RIMS2: variants seen among roughly 807,000 people sequenced by gnomAD.
The protein encoded by RIMS2 is regulating synaptic membrane exocytosis 2, also known as regulating synaptic membrane exocytosis protein 2.
Under a neutral mutation model 174.4 loss-of-function variants are expected in RIMS2, and 59 were observed. The observed-to-expected ratio is 0.34, with a 90% confidence interval of 0.27 to 0.42. The LOEUF (loss-of-function observed/expected upper bound fraction) is 0.42. RIMS2 is among the 10% of genes least tolerant of loss of function. The probability of loss-of-function intolerance (pLI) is 1.00; values close to 1 mark genes in which losing one functional copy is unlikely to be tolerated. For missense variants in RIMS2, 1,620 were observed against 1,666.3 expected, an observed-to-expected ratio of 0.97 and a Z score of 0.48; for synonymous variants, 606 against 572.5, an observed-to-expected ratio of 1.06 and a Z score of -0.84.
intron 1 of RIMS2, among the ~76,000 whole-genome samples, chr8:103,505,812 C>A (rs7842972): frequency 0.066 from 10,011 of 152,110 alleles, 1,088 homozygotes; most frequent in African/African-American, 0.23. Flanking sequence ...GACTTATTTG[C>A]AATTTTCTTG....
chr8:103,934,163 A>C (rs1025760936), intron 12 of RIMS2, among the ~76,000 whole-genome samples: 1 of 152,152 alleles, frequency 6.6e-6, no homozygotes, highest in African/African-American at 2.4e-5. Context: ...CATTTAATGG[A>C]AACCAAAGTC....
chr8:104,030,601 C>T (rs1365333387), intron 19 of RIMS2, among the ~76,000 whole-genome samples: 2 of 152,118 alleles, frequency 1.3e-5, no homozygotes, highest in Admixed American at 6.6e-5. Flanking sequence ...GCCAAAGTGA[C>T]CTCCATGCTT....
intron 1 of RIMS2, among the ~76,000 whole-genome samples, chr8:103,544,425 G>T (rs945329063): frequency 6.6e-6 from 1 of 152,248 alleles, no homozygotes; most frequent in Non-Finnish European, 1.5e-5. Flanking sequence ...AGCCAGGCAG[G>T]CAGTCAGTGC....
intron 1 of RIMS2, among the ~76,000 whole-genome samples, chr8:103,635,459 A>G (rs2096054155): frequency 6.6e-6 from 1 of 152,056 alleles, no homozygotes; most frequent in Admixed American, 6.5e-5. Flanking sequence ...CACTCTGGCC[A>G]CTTTTCCATA....
intron 1 of RIMS2, among the ~76,000 whole-genome samples, chr8:103,696,160 A>C (rs1018978099): frequency 2.0e-4 from 31 of 151,380 alleles, no homozygotes; most frequent in Non-Finnish European, 4.3e-4. Context: ...TTTTTCTTTT[A>C]GTTTGGATAA....
chr8:104,086,470 A>G (rs1308165706), intron 19 of RIMS2, among the ~76,000 whole-genome samples: 1 of 151,978 alleles, frequency 6.6e-6, no homozygotes, highest in East Asian at 1.9e-4. Context: ...ATAGAAGTAA[A>G]TTAAGATTGT....
chr8:103,923,103 C>T (rs535591662), intron 10 of RIMS2, among the ~76,000 whole-genome samples: 3 of 151,862 alleles, frequency 2.0e-5, no homozygotes, highest in Non-Finnish European at 4.4e-5. Flanking sequence ...TTACATATAT[C>T]GACAGCCCAT....
chr8:103,658,868 CATG>C (rs1433701611), intron 1 of RIMS2, among the ~76,000 whole-genome samples: 1 of 152,160 alleles, frequency 6.6e-6, no homozygotes, highest in Non-Finnish European at 1.5e-5. Context: ...GAGTGTATCA[CATG>C]ATTTCTTTGC....
chr8:103,911,042 TATTA>T (rs974556551), intron 5 of RIMS2, among the ~76,000 whole-genome samples: 3 of 152,200 alleles, frequency 2.0e-5, no homozygotes, highest in African/African-American at 7.2e-5. Context: ...TTTAATGTGG[TATTA>T]ATTAGTATTA....
chr8:104,085,031 C>T (rs562868695), intron 19 of RIMS2, among the ~76,000 whole-genome samples: 6 of 152,134 alleles, frequency 3.9e-5, no homozygotes, highest in Admixed American at 6.6e-5. Flanking sequence ...TATGTTTACA[C>T]TATGAGGTCA....
At chr8:103,834,759 TC>T (rs1430532574) in intron 3 of RIMS2, among the ~76,000 whole-genome samples, 1 of 150,270 alleles carries the variant, frequency 6.7e-6, no homozygotes, top group Non-Finnish European at 1.5e-5. Context: ...TCTTTCTTTT[TC>T]TCTCTCTCTT....
chr8:103,942,459 T>C (rs2082754500), intron 13 of RIMS2, among the ~76,000 whole-genome samples: 1 of 152,150 alleles, frequency 6.6e-6, no homozygotes, highest in African/African-American at 2.4e-5. Flanking sequence ...TATACAAATA[T>C]TAGTTATTAT....
chr8:104,227,278 G>GT (rs60840616), intron 19 of RIMS2, among the ~76,000 whole-genome samples: 2,016 of 131,846 alleles, frequency 0.015, 14 homozygotes, highest in African/African-American at 0.029. Context: ...AATCTCTGAG[G>GT]TTTTTTTTTT....
intron 19 of RIMS2, among the ~76,000 whole-genome samples, chr8:104,120,397 G>T (rs4486167): frequency 0.28 from 42,350 of 151,960 alleles, 6,228 homozygotes; most frequent in Middle Eastern, 0.39. Context: ...TTGAAAAAGT[G>T]TCTAGTAACC....
intron 1 of RIMS2, among the ~76,000 whole-genome samples, chr8:103,556,496 C>T (rs756788075): frequency 6.6e-6 from 1 of 152,056 alleles, no homozygotes; most frequent in Non-Finnish European, 1.5e-5. Flanking sequence ...TTTACAGATG[C>T]AGTAACTGAA....
chr8:104,118,370 GT>G lies in RIMS2; in HGVS notation c.3334+103769del, dbSNP rs113018786. ...TTATTTTTTGTTTTTTTGTTTTTTTGTTTTTTTTTTTTTTGAGACAGGGTCT... is the reference window on the plus strand; with the variant it reads ...TTATTTTTTGTTTTTTTGTTTTTTTGTTTTTTTTTTTTTGAGACAGGGTCT... On this transcript the variant is annotated intron_variant, in intron 19 of 23. Transcript: ENST00000504942. Among the ~76,000 whole-genome samples the G allele has an allele frequency of 1.6e-3, 224 of 136,458 alleles. 2 individuals are homozygous for G. The South Asian group carries it at 0.024, about 15-fold the overall frequency. 89.5% of individuals were successfully genotyped at this position (136,458 alleles called of 152,430 possible).
chr8:103,863,899 G>GT (rs1554902284), intron 3 of RIMS2, among the ~76,000 whole-genome samples: 158 of 113,138 alleles, frequency 1.4e-3, no homozygotes, highest in East Asian at 4.2e-3. Context: ...TTTTTTTTTT[G>GT]TTTTTTTTGT....
chr8:103,752,477 A>G (rs557328319), intron 2 of RIMS2, among the ~76,000 whole-genome samples: 1 of 152,206 alleles, frequency 6.6e-6, no homozygotes, highest in African/African-American at 2.4e-5. Context: ...GTTTTTTCCA[A>G]TTCTGTGAAG....
chr8:103,677,786 T>C (rs1440829456), intron 1 of RIMS2, among the ~76,000 whole-genome samples: 1 of 152,174 alleles, frequency 6.6e-6, no homozygotes, highest in Non-Finnish European at 1.5e-5. Flanking sequence ...CTCCAGTGCT[T>C]CTGTGTGGTT....
Sources: allele counts gnomAD v4.1 joint callset (sites outside exome capture counted in the v4.1 genomes callset), GRCh38; gene constraint gnomAD v4.1.1; transcripts MANE v1.5; gene names NCBI Gene and HGNC (gene_info 2026-07-23, HGNC 2026-07-21).